The following SLC6A18 variants were observed in gnomAD, a reference collection of about 807,000 sequenced individuals.
SLC6A18 encodes the protein inactive sodium-dependent neutral amino acid transporter B(0)AT3.
SLC6A18 carries 58 observed loss-of-function variants against 62.9 expected under a neutral mutation model. That is an observed-to-expected ratio of 0.92 (90% CI 0.75 to 1.15). The LOEUF (loss-of-function observed/expected upper bound fraction) is 1.15. Among genes scored for constraint, SLC6A18 ranks in the 50% most tolerant of loss-of-function variants. SLC6A18 has a pLI of 0.00. For synonymous variants in SLC6A18, 382 were observed against 365.8 expected (o/e 1.04, Z -0.51); for missense variants, 793 against 836.6 (o/e 0.95, Z 0.64).
chr5:1,236,430 T>A (rs1746884489), intron 4 of SLC6A18, among the ~76,000 whole-genome samples: 1 of 152,244 alleles, frequency 6.6e-6, no homozygotes, highest in Non-Finnish European at 1.5e-5. Flanking sequence ...AGTTTAGTTT[T>A]AAACAAGCGA....
chr5:1,242,627 T>C (rs1747092641), intron 7 of SLC6A18, 80 bp from the exon 8 acceptor site: 5 of 1,520,746 alleles, frequency 3.3e-6, no homozygotes, highest in South Asian at 1.3e-5. Flanking sequence ...GATGCTGTGC[T>C]TCGCAGCACC....
At chr5:1,233,885 G>T (rs1486233966) in intron 3 of SLC6A18, among the ~76,000 whole-genome samples, 1 of 152,024 alleles carries the variant, frequency 6.6e-6, no homozygotes, top group African/African-American at 2.4e-5. Context: ...AGGACTACAG[G>T]CGCCTGCCAC....
At chr5:1,245,636 C>T (rs1313765843) in intron 11 of SLC6A18, among the ~76,000 whole-genome samples, 3 of 152,254 alleles carry the variant, frequency 2.0e-5, no homozygotes, top group Non-Finnish European at 4.4e-5. Flanking sequence ...GCCCCAGCCC[C>T]AGGAGAAGCT....
chr5:1,242,899 C>T (rs199663444), intron 8 of SLC6A18, 36 bp downstream of exon 8: 48 of 1,554,778 alleles, frequency 3.1e-5, no homozygotes, highest in East Asian at 2.5e-4. Context: ...CAGGCAGGGC[C>T]GTCCACAGGA....
Position 1,241,308 on chromosome 5 carries a change from C to T in SLC6A18, c.974+649C>T, listed in dbSNP as rs757395967. Among the ~76,000 whole-genome samples, 41 of 152,328 alleles carry T rather than the reference C, an allele frequency of 2.7e-4. No individual in the cohort carries two copies. The highest frequency in any genetic ancestry group is 1.4e-3 in the Admixed American group (21 of 15,302). ...TTGAGAACCCACTGGGCAGACAGCA[C>T]GTCCCTGCAACATGGGGTGACTCTG... On this transcript the variant is annotated intron_variant, in intron 7 of 11. Transcript: ENST00000324642. This position sits in a 1 kb window ranked among gnomAD's most constrained non-coding sequence, Gnocchi z 7.8.
intron 1 of SLC6A18, among the ~76,000 whole-genome samples, chr5:1,229,490 A>G (rs1055367023): frequency 6.6e-6 from 1 of 152,274 alleles, no homozygotes; most frequent in South Asian, 2.1e-4. Flanking sequence ...CCCAGGCTCA[A>G]TGGCCCTCAC....
chr5:1,237,328 G>A (rs1746910012), intron 4 of SLC6A18, among the ~76,000 whole-genome samples: 1 of 151,446 alleles, frequency 6.6e-6, no homozygotes, highest in Non-Finnish European at 1.5e-5. Context: ...TGAGAGAGGA[G>A]TGTCCATTTA....
At chr5:1,230,214 C>T (rs1436820804) in intron 1 of SLC6A18, among the ~76,000 whole-genome samples, 1 of 149,636 alleles carries the variant, frequency 6.7e-6, no homozygotes, top group East Asian at 1.9e-4. Context: ...GGAAGAGGGG[C>T]TCTCACGGTA....
Position 1,243,821 on chromosome 5 carries a change from C to A in SLC6A18, c.1336+62C>A. ...CCCAGCATCTGACTGTCCACTCCCG[C>A]CCGCTGTCCAGACGCCCCTCCTGGA... On this transcript the variant is annotated intron_variant, in intron 9 of 11. Transcript: ENST00000324642. This position sits in a 1 kb window ranked among gnomAD's most constrained non-coding sequence, Gnocchi z 6.5. 1 of 1,466,388 alleles carries A rather than the reference C, an allele frequency of 6.8e-7. No homozygotes were observed. Among genetic ancestry groups the A allele is most frequent in the Non-Finnish European group, 9.2e-7 (1 of 1,092,370 alleles). The allele number at this position is 1,466,388 out of a possible 1,614,324, so 90.8% of individuals were successfully genotyped here.
chr5:1,242,425 A>AG (rs1561180389), intron 7 of SLC6A18, among the ~76,000 whole-genome samples: 1 of 67,924 alleles, frequency 1.5e-5, no homozygotes, highest in African/African-American at 6.4e-5. Flanking sequence ...GGAGGCGTCC[A>AG]CACGATCCCA....
intron 1 of SLC6A18, among the ~76,000 whole-genome samples, chr5:1,230,142 C>T (rs1174918639): frequency 3.5e-5 from 5 of 143,436 alleles, no homozygotes; most frequent in Non-Finnish European, 6.0e-5. Flanking sequence ...GAGGGGCTTT[C>T]ACAGTGCAGG....
At position 1,243,417 on chromosome 5, in the gene SLC6A18, C is replaced by A; in HGVS notation, c.1132-138C>A. The A allele has an allele frequency of 1.0e-6, 1 of 967,354 alleles. No homozygotes were observed. The highest frequency in any genetic ancestry group is 1.5e-5 in the South Asian group (1 of 64,944). The allele number at this position is 967,354 out of a possible 1,614,324, so 59.9% of individuals were successfully genotyped here. Reference sequence around the variant, plus strand: ...CCAGAAGGCATGGCCAGCCCTGAGCCACCTCAGCCCGACACCAGGAGGGGT... The same window carrying A: ...CCAGAAGGCATGGCCAGCCCTGAGCAACCTCAGCCCGACACCAGGAGGGGT... On this transcript the variant is annotated intron_variant, in intron 8 of 11. Transcript: ENST00000324642. This position sits in a 1 kb window ranked among gnomAD's most constrained non-coding sequence, Gnocchi z 6.5.
At chr5:1,235,709 C>T in intron 4 of SLC6A18, 47 bp downstream of exon 4, 1 of 1,593,532 alleles carries the variant, frequency 6.3e-7, no homozygotes, top group East Asian at 2.2e-5. Flanking sequence ...CCTCCAGCCC[C>T]CAAGACCCCT....
chr5:1,231,334 C>T (rs970530554), intron 1 of SLC6A18, among the ~76,000 whole-genome samples: 27 of 152,292 alleles, frequency 1.8e-4, no homozygotes, highest in African/African-American at 6.5e-4. Context: ...TCCTGCCATG[C>T]CTATGGGCAC....
chr5:1,232,991 C>G (rs190616478), intron 3 of SLC6A18, 103 bp downstream of exon 3: 8 of 1,486,538 alleles, frequency 5.4e-6, no homozygotes, highest in Admixed American at 2.2e-5. Flanking sequence ...GGATGCTCAC[C>G]GCGGGGGGAG....
intron 4 of SLC6A18, among the ~76,000 whole-genome samples, chr5:1,237,090 A>C (rs4532396): frequency 0.12 from 17,692 of 151,298 alleles, 1,461 homozygotes; most frequent in African/African-American, 0.23. Flanking sequence ...AAAAAAAAAA[A>C]AATTAGCCAG....
chr5:1,226,697 G>A (rs986793473), intron 1 of SLC6A18, among the ~76,000 whole-genome samples: 1 of 152,142 alleles, frequency 6.6e-6, no homozygotes, highest in Non-Finnish European at 1.5e-5. Flanking sequence ...GGTGCATTGG[G>A]CCTTGGATCT....
At position 1,243,831 on chromosome 5, in the gene SLC6A18, A is replaced by T; in HGVS notation, c.1336+72A>T. 4.3e-6 allele frequency: 6 copies of T among 1,409,368 alleles called. No individual in the cohort carries two copies. The highest frequency in any genetic ancestry group is 4.8e-6 in the Non-Finnish European group (5 of 1,048,058). The allele number at this position is 1,409,368 out of a possible 1,614,324, so 87.3% of individuals were successfully genotyped here. ...GACTGTCCACTCCCGCCCGCTGTCC[A>T]GACGCCCCTCCTGGATGGAGAGCGC... is the stretch of plus-strand genomic sequence containing the variant. On this transcript the variant is annotated intron_variant, in intron 9 of 11. Transcript: ENST00000324642. This position sits in a 1 kb window ranked among gnomAD's most constrained non-coding sequence, Gnocchi z 6.5.
At position 1,241,309 on chromosome 5, in the gene SLC6A18, G is replaced by A. The variant is rs1246387840; in HGVS notation, c.974+650G>A. The stretch of plus-strand genomic sequence containing the variant: ...TGAGAACCCACTGGGCAGACAGCAC[G>A]TCCCTGCAACATGGGGTGACTCTGA... On this transcript the variant is annotated intron_variant, in intron 7 of 11. Coordinates refer to ENST00000324642, the MANE Select transcript of SLC6A18 (RefSeq NM_182632.3). The surrounding 1 kb of genome is among the most constrained non-coding windows in gnomAD (Gnocchi z 7.8). Among the ~76,000 whole-genome samples, 1 of 152,180 alleles carries A rather than the reference G, an allele frequency of 6.6e-6. No individual in the cohort carries two copies. The highest frequency in any genetic ancestry group is 1.5e-5 in the Non-Finnish European group (1 of 68,024).
Sources: gnomAD v4.1 joint callset for allele counts (sites outside exome capture counted in the v4.1 genomes callset) on GRCh38, gnomAD v4.1.1 for gene constraint, Gnocchi (gnomAD v3.1) non-coding constraint, MANE v1.5 for transcripts, NCBI Gene and HGNC (gene_info 2026-07-23, HGNC 2026-07-21) for gene names.